ZAR1L: variants seen among roughly 807,000 people sequenced by gnomAD.
ZAR1L encodes zygote arrest 1 like.
Under a neutral mutation model 30.0 loss-of-function variants are expected in ZAR1L, and 16 were observed. The observed-to-expected ratio is 0.53, with a 90% confidence interval of 0.36 to 0.81. The LOEUF (loss-of-function observed/expected upper bound fraction) is 0.81, where lower values mean the gene tolerates loss of function less well. Ranked by LOEUF, ZAR1L falls within the 30% of genes least tolerant of loss-of-function variation. The probability of loss-of-function intolerance (pLI) is 0.00; values close to 1 mark genes in which losing one functional copy is unlikely to be tolerated. For missense variants in ZAR1L, 392 were observed against 417.2 expected, an observed-to-expected ratio of 0.94 and a Z score of 0.53; for synonymous variants, 197 against 166.8, an observed-to-expected ratio of 1.18 and a Z score of -1.40.
In ZAR1L at chr13:32,311,333, G is replaced by A; in HGVS notation, c.593C>T (p.Thr198Met). 2 of 1,550,884 alleles carry A rather than the reference G, an allele frequency of 1.3e-6. No individual in the cohort carries two copies. The highest frequency in any genetic ancestry group is 1.7e-6 in the Non-Finnish European group (2 of 1,146,954). ...GTCTCCAGGCACCTGCTTGCTCTTC[G>A]TCTCCTGAGGGCACGGGGCGTCTTT... ...GEKDAPCPQE[T>M]KSKQVPGDAA... The change falls in exon 3 of 6, where the codon ACG (threonine) becomes ATG (methionine). Residue 198 changes from threonine (T) to methionine (M), a missense_variant. Thr to Met is a moderately conservative substitution (Grantham distance 81). Coordinates refer to ENST00000533490, the MANE Select transcript of ZAR1L (RefSeq NM_001136571.2).
At chr13:32,312,771 G>T (rs892780633) in intron 2 of ZAR1L, among the ~76,000 whole-genome samples, 2 of 152,054 alleles carry the variant, frequency 1.3e-5, no homozygotes. Flanking sequence ...CCAGCTACTC[G>T]GGAGGCTGAG....
At chr13:32,307,289 A>G (rs1384390370) in intron 5 of ZAR1L, among the ~76,000 whole-genome samples, 1 of 152,034 alleles carries the variant, frequency 6.6e-6, no homozygotes, top group Non-Finnish European at 1.5e-5. Flanking sequence ...GGATCATGTC[A>G]GGAGTTTGAG....
At chr13:32,304,097 A>G (rs2072157653) in intron 5 of ZAR1L, 75 bp from the exon 6 acceptor site, 2 of 1,450,006 alleles carry the variant, frequency 1.4e-6, no homozygotes, top group African/African-American at 1.4e-5. Context: ...AAATCACAGT[A>G]CTTCTCCCTA....
In ZAR1L at chr13:32,311,308, G is replaced by T; in HGVS notation, c.618C>A (p.Asp206Glu). 6.5e-7 allele frequency: 1 copy of T among 1,549,914 alleles called. No homozygotes were observed. The highest frequency in any genetic ancestry group is 8.7e-7 in the Non-Finnish European group (1 of 1,146,660). Residue 206 changes from aspartate to glutamate, a missense_variant, in exon 3 of 6, where the codon GAC (aspartate) becomes GAA (glutamate). Asp to Glu is a conservative substitution (Grantham distance 45). Transcript: ENST00000533490. Reference protein sequence around the residue: ...QETKSKQVPGDAASEPLRRPN... With the variant: ...QETKSKQVPGEAASEPLRRPN... ...GCCTCCGGAGCGGCTCGGAGGCGGCGTCTCCAGGCACCTGCTTGCTCTTCG... is the reference window on the plus strand; with the variant it reads ...GCCTCCGGAGCGGCTCGGAGGCGGCTTCTCCAGGCACCTGCTTGCTCTTCG...
intron 5 of ZAR1L, among the ~76,000 whole-genome samples, chr13:32,304,990 T>C (rs2072163502): frequency 6.6e-6 from 1 of 151,980 alleles, no homozygotes; most frequent in Non-Finnish European, 1.5e-5. Flanking sequence ...TTGTATTTTT[T>C]AGTAGAGATG....
chr13:32,304,429 A>G (rs1185000101), intron 5 of ZAR1L, among the ~76,000 whole-genome samples: 1 of 152,242 alleles, frequency 6.6e-6, no homozygotes, highest in East Asian at 1.9e-4. Flanking sequence ...TAGGCAGGTC[A>G]GGGTGAGTGG....
Position 32,315,317 on chromosome 13 carries a change from C to T in ZAR1L, c.-392G>A, listed in dbSNP as rs2072242561. On this transcript the variant is annotated splice_region_variant and 5_prime_UTR_variant, in exon 1 of 6. Coordinates refer to ENST00000533490, the MANE Select transcript of ZAR1L (RefSeq NM_001136571.2). ...GTCAGCGAGAAGAGAACACACACTCCAGCTCCCGCTTTATTCGGTCAGATA... is the reference window on the plus strand; with the variant it reads ...GTCAGCGAGAAGAGAACACACACTCTAGCTCCCGCTTTATTCGGTCAGATA... 1 of 152,362 alleles carries T rather than the reference C, an allele frequency of 6.6e-6. No individual in the cohort carries two copies. 9.4% of individuals were successfully genotyped at this position (152,362 alleles called of 1,614,324 possible).
At chr13:32,304,223 C>T (rs2072158372) in intron 5 of ZAR1L, among the ~76,000 whole-genome samples, 2 of 152,092 alleles carry the variant, frequency 1.3e-5, no homozygotes, top group Admixed American at 6.6e-5. Context: ...TGAATGATCA[C>T]AGAAGATATT....
chr13:32,311,383 G>A lies in ZAR1L; in HGVS notation c.543C>T (p.Pro181=), dbSNP rs1397329402. Residue 181 remains proline, a synonymous_variant, in exon 3 of 6, where the codon CCC becomes CCT. Transcript: ENST00000533490. ...RRSGADRQEE[P]GQLEESGEKD... ...TCTCCCCCGATTCCTCCAGCTGCCC[G>A]GGCTCCTCCTGCCTGTCAGCTCCTG... The A allele has an allele frequency of 5.8e-6, 9 of 1,550,688 alleles. No individual in the cohort carries two copies. Among genetic ancestry groups the A allele is most frequent in the Non-Finnish European group, 7.8e-6 (9 of 1,146,976 alleles).
chr13:32,303,958 T>G lies in ZAR1L; in HGVS notation c.887A>C (p.His296Pro). The change falls in exon 6 of 6, where the codon CAT (histidine) becomes CCT (proline). Residue 296 changes from histidine to proline, a missense_variant. His to Pro is a moderately conservative substitution (Grantham distance 77). Transcript: ENST00000533490. Reference sequence around the variant, plus strand: ...GCAGCGACCACACAGTTCCTGTCGATGAGGCCTCCTTAGATCAATGTGTCT... The same window carrying G: ...GCAGCGACCACACAGTTCCTGTCGAGGAGGCCTCCTTAGATCAATGTGTCT... The part of the protein sequence containing the change: ...KKRHIDLRRP[H>P]RQELCGRCKD... The G allele has an allele frequency of 6.4e-7, 1 of 1,552,104 alleles. No individual in the cohort carries two copies. Among genetic ancestry groups the G allele is most frequent in the Non-Finnish European group, 8.7e-7 (1 of 1,147,080 alleles).
intron 1 of ZAR1L, among the ~76,000 whole-genome samples, chr13:32,314,784 G>A (rs1034448062): frequency 1.3e-5 from 2 of 152,288 alleles, no homozygotes; most frequent in East Asian, 1.9e-4. Context: ...CCCTGGAGGC[G>A]GAAGTTGCGG....
intron 2 of ZAR1L, among the ~76,000 whole-genome samples, chr13:32,313,768 T>C (rs1182281408): frequency 1.3e-5 from 2 of 152,248 alleles, no homozygotes; most frequent in African/African-American, 2.4e-5. Flanking sequence ...AAGTCTATTA[T>C]GGTGGAGCTA....
rs1360239496 is a variant in ZAR1L at position 32,314,487 on chromosome 13, A to G, written c.-326T>C. 1 of 152,280 alleles carries G rather than the reference A, an allele frequency of 6.6e-6. No individual in the cohort carries two copies. Among genetic ancestry groups the G allele is most frequent in the African/African-American group, 2.4e-5 (1 of 41,470 alleles). The allele number at this position is 152,280 out of a possible 1,614,324, so 9.4% of individuals were successfully genotyped here. A position where few individuals can be genotyped will look rare whatever the true frequency, so the allele number is the denominator to read the frequency against. Reference sequence around the variant, plus strand: ...TTGTATTAGGCATGTTACAGAACCAACGAATTCGGAGATGAAGTCAGGTCT... The same window carrying G: ...TTGTATTAGGCATGTTACAGAACCAGCGAATTCGGAGATGAAGTCAGGTCT... On this transcript the variant is annotated 5_prime_UTR_variant, in exon 2 of 6. Transcript: ENST00000533490.
At chr13:32,310,808 A>C (rs1374392132) in intron 3 of ZAR1L, 77 bp from the exon 4 acceptor site, 3 of 957,540 alleles carry the variant, frequency 3.1e-6, no homozygotes, top group Admixed American at 2.3e-5. Context: ...ACTTTGTATA[A>C]GGAAAAAAAA....
chr13:32,314,162 T>C (rs1374843022), intron 2 of ZAR1L, among the ~76,000 whole-genome samples, 168 bp downstream of exon 2: 5 of 152,212 alleles, frequency 3.3e-5, no homozygotes, highest in Admixed American at 3.3e-4. Flanking sequence ...CATAAAATGT[T>C]TGGTAAGTGG....
At chr13:32,310,780 G>A (rs780321624) in intron 3 of ZAR1L, 49 bp from the exon 4 acceptor site, 2 of 1,230,898 alleles carry the variant, frequency 1.6e-6, no homozygotes, top group South Asian at 2.6e-5. Flanking sequence ...GGGGAAAAAA[G>A]CCAGATCCTT....
Position 32,304,082 on chromosome 13 carries a change from C to T in ZAR1L, c.823-60G>A, listed in dbSNP as rs189607124. 2.4e-4 allele frequency: 367 copies of T among 1,499,730 alleles called. 1 individual carries two copies. The African/African-American group carries it at 4.3e-3, about 17-fold the overall frequency. 92.9% of individuals were successfully genotyped at this position (1,499,730 alleles called of 1,614,324 possible). A position where few individuals can be genotyped will look rare whatever the true frequency, so the allele number is the denominator to read the frequency against. ...GATCAGTTTAGTGTTTCAAATGTAACCCTCAAATCACAGTACTTCTCCCTA... is the reference window on the plus strand; with the variant it reads ...GATCAGTTTAGTGTTTCAAATGTAATCCTCAAATCACAGTACTTCTCCCTA... On this transcript the variant is annotated intron_variant, in intron 5 of 5. Transcript: ENST00000533490.
At chr13:32,311,112 C>G (rs1275792039) in intron 3 of ZAR1L, among the ~76,000 whole-genome samples, 160 bp downstream of exon 3, 2 of 152,154 alleles carry the variant, frequency 1.3e-5, no homozygotes, top group Non-Finnish European at 2.9e-5. Context: ...ACTTACCAAA[C>G]ATACAGGCCA....
In ZAR1L at chr13:32,314,426, AG is replaced by A. The variant is rs1408345561; in HGVS notation, c.-266del. The A allele has an allele frequency of 6.6e-6, 1 of 152,226 alleles. No homozygotes were observed. Among genetic ancestry groups the A allele is most frequent in the Non-Finnish European group, 1.5e-5 (1 of 68,042 alleles). The allele number at this position is 152,226 out of a possible 1,614,324, so 9.4% of individuals were successfully genotyped here. On this transcript the variant is annotated 5_prime_UTR_variant, in exon 2 of 6. The change abolishes the stop of an existing upstream ORF in the 5' untranslated region. Coordinates refer to ENST00000533490, the MANE Select transcript of ZAR1L (RefSeq NM_001136571.2). ...AGCAACTCTCACTGAATCCATTTGA[AG>A]GTTTTGTAGGTCTTACAACAAACCC...
Sources: gnomAD v4.1 joint callset for allele counts (sites outside exome capture counted in the v4.1 genomes callset) on GRCh38, gnomAD v4.1.1 for gene constraint, MANE v1.5 for transcripts, NCBI Gene and HGNC (gene_info 2026-07-23, HGNC 2026-07-21) for gene names.